CREB5: variants seen among roughly 807,000 people sequenced by gnomAD.
The protein encoded by CREB5 is cAMP responsive element binding protein 5.
Under a neutral mutation model 57.1 loss-of-function variants are expected in CREB5, and 19 were observed. That is an observed-to-expected ratio of 0.33 (90% CI 0.23 to 0.49). CREB5 has a LOEUF of 0.49. Among genes scored for constraint, CREB5 ranks in the 20% least tolerant of loss-of-function variants. The pLI is 0.99. For synonymous variants in CREB5, 238 were observed against 238.3 expected (o/e 1.00, Z 0.01); for missense variants, 579 against 671.6 (o/e 0.86, Z 1.52).
intron 7 of CREB5, among the ~76,000 whole-genome samples, chr7:28,745,022 G>A (rs2128759796): frequency 6.6e-6 from 1 of 152,336 alleles, no homozygotes; most frequent in East Asian, 1.9e-4. Flanking sequence ...ATATAGGAAA[G>A]AGCTTGCTCT....
chr7:28,521,836 T>C (rs1793219986), intron 4 of CREB5, among the ~76,000 whole-genome samples: 1 of 152,228 alleles, frequency 6.6e-6, no homozygotes, highest in Non-Finnish European at 1.5e-5. Context: ...ATTTATCCTA[T>C]AGGATTACGT....
At chr7:28,333,649 T>C (rs899699845) in intron 1 of CREB5, among the ~76,000 whole-genome samples, 1 of 152,230 alleles carries the variant, frequency 6.6e-6, no homozygotes, top group South Asian at 2.1e-4. Context: ...CATGTGAAGT[T>C]TGTCTTCTGT....
intron 7 of CREB5, among the ~76,000 whole-genome samples, chr7:28,789,266 C>T (rs1368173120): frequency 1.7e-4 from 26 of 152,126 alleles, no homozygotes; most frequent in Admixed American, 1.6e-3. Context: ...TCATGAGGTT[C>T]GTGGATTTCA....
Position 28,605,186 on chromosome 7 carries a change from T to C in CREB5, c.464+34649T>C, listed in dbSNP as rs567142390. 2.0e-5 allele frequency among the ~76,000 whole-genome samples: 3 copies of C among 152,340 alleles called. No homozygotes were observed. In the South Asian group the frequency reaches 6.2e-4, roughly 32 times the overall value. ...ATGTCTATAAAGAACTGGATACCTT[T>C]GCCTGGTTCTGACAAGAAAAAGAAA... On this transcript the variant is annotated intron_variant, in intron 5 of 10. Transcript: ENST00000357727.
chr7:28,481,875 AAGAG>A (rs1009677171), intron 1 of CREB5, among the ~76,000 whole-genome samples: 6 of 152,148 alleles, frequency 3.9e-5, no homozygotes, highest in African/African-American at 1.4e-4. Context: ...TGCCCACAGA[AAGAG>A]AGAGAGACAC....
chr7:28,570,523 C>T lies in CREB5; in HGVS notation c.450C>T (p.Thr150=), dbSNP rs1795657643. The T allele has an allele frequency of 1.2e-6, 2 of 1,613,904 alleles. No individual in the cohort carries two copies. The highest frequency in any genetic ancestry group is 1.7e-6 in the Non-Finnish European group (2 of 1,179,878). ...SSSVITQAPS[T]NRQIGPVPGS... is the part of the protein sequence containing the mutation. ...CTGTCATCACTCAGGCACCTTCCAC[C>T]AACCGCCAGATCGGGTAAGGAGCCC... Residue 150 remains threonine (T), a synonymous_variant, in exon 5 of 11, where the codon ACC becomes ACT. Transcript: ENST00000357727.
At chr7:28,320,570 G>C (rs1373670973) in intron 1 of CREB5, among the ~76,000 whole-genome samples, 1 of 152,174 alleles carries the variant, frequency 6.6e-6, no homozygotes, top group East Asian at 1.9e-4. Context: ...TCTAGTTCTG[G>C]AATACAGGAA....
chr7:28,578,610 A>G lies in CREB5; in HGVS notation c.464+8073A>G, dbSNP rs568973788. On this transcript the variant is annotated intron_variant, in intron 5 of 10. Transcript: ENST00000357727. ...GAGCTTTTATATTCTATAATACTAT[A>G]TGTCTCCTAAAATGTAAATAACTCT... Among the ~76,000 whole-genome samples, 5 of 152,310 alleles carry G rather than the reference A, an allele frequency of 3.3e-5. No homozygotes were observed. In the East Asian group the frequency reaches 5.8e-4, roughly 18 times the overall value.
At chr7:28,675,918 A>G (rs1439739608) in intron 5 of CREB5, among the ~76,000 whole-genome samples, 1 of 152,194 alleles carries the variant, frequency 6.6e-6, no homozygotes, top group African/African-American at 2.4e-5. Context: ...AGGCATTTAT[A>G]GCTTATTTAT....
At chr7:28,378,270 C>T (rs1450334025) in intron 1 of CREB5, among the ~76,000 whole-genome samples, 1 of 148,946 alleles carries the variant, frequency 6.7e-6, no homozygotes, top group South Asian at 2.2e-4. Flanking sequence ...GATTGTATTG[C>T]GGCTACAGTC....
intron 1 of CREB5, among the ~76,000 whole-genome samples, chr7:28,383,495 T>C (rs1787009365): frequency 6.6e-6 from 1 of 152,210 alleles, no homozygotes; most frequent in Admixed American, 6.5e-5. Flanking sequence ...ACTTAGCATC[T>C]GCTGAGACCT....
chr7:28,482,783 T>A (rs1791386875), intron 1 of CREB5, among the ~76,000 whole-genome samples: 1 of 152,242 alleles, frequency 6.6e-6, no homozygotes, highest in Non-Finnish European at 1.5e-5. Flanking sequence ...CACAGCCATA[T>A]TGTTAGTGCT....
chr7:28,656,338 C>G (rs1424483749), intron 5 of CREB5, among the ~76,000 whole-genome samples: 1 of 152,058 alleles, frequency 6.6e-6, no homozygotes, highest in Admixed American at 6.5e-5. Flanking sequence ...TTAAACATAC[C>G]ATCTTGGACA....
chr7:28,661,975 A>T (rs1035935867), intron 5 of CREB5, among the ~76,000 whole-genome samples: 1 of 152,210 alleles, frequency 6.6e-6, no homozygotes, highest in African/African-American at 2.4e-5. Context: ...TAGGGAACAC[A>T]GTTCTTTGTT....
chr7:28,309,009 C>T (rs1487675007), intron 1 of CREB5, among the ~76,000 whole-genome samples: 1 of 152,088 alleles, frequency 6.6e-6, no homozygotes, highest in African/African-American at 2.4e-5. Context: ...GACCAACTAT[C>T]CCCCCAGCAA....
intron 5 of CREB5, among the ~76,000 whole-genome samples, chr7:28,670,380 A>G (rs1419576635): frequency 1.3e-5 from 2 of 152,006 alleles, no homozygotes; most frequent in Non-Finnish European, 2.9e-5. Context: ...ACGGCAGAAA[A>G]CCAAGCTGTG....
chr7:28,532,551 C>G (rs985235577), intron 4 of CREB5, among the ~76,000 whole-genome samples: 5 of 152,068 alleles, frequency 3.3e-5, no homozygotes, highest in African/African-American at 1.2e-4. Flanking sequence ...GGAAAGAGTC[C>G]CAGACCAACA....
At chr7:28,783,852 A>T (rs1235224272) in intron 7 of CREB5, among the ~76,000 whole-genome samples, 1 of 152,220 alleles carries the variant, frequency 6.6e-6, no homozygotes, top group Non-Finnish European at 1.5e-5. Context: ...AACTTCTCAT[A>T]GATTTTCTTA....
At chr7:28,457,337 A>G (rs954143399) in intron 1 of CREB5, among the ~76,000 whole-genome samples, 1 of 152,170 alleles carries the variant, frequency 6.6e-6, no homozygotes, top group African/African-American at 2.4e-5. Flanking sequence ...TGGCCTGTTC[A>G]TCATAAGGAC....
Sources: allele counts gnomAD v4.1 joint callset (sites outside exome capture counted in the v4.1 genomes callset), GRCh38; gene constraint gnomAD v4.1.1; transcripts MANE v1.5; gene names NCBI Gene and HGNC (gene_info 2026-07-23, HGNC 2026-07-21).